The following SV2C variants were observed in gnomAD, a reference collection of about 807,000 sequenced individuals.
The protein encoded by SV2C is synaptic vesicle glycoprotein 2C, also known as solute carrier family 22 member B3.
In SV2C, 49 loss-of-function variants were observed where a neutral mutation model predicts 79.7. The observed-to-expected ratio is 0.61, with a 90% CI of 0.49 to 0.78. The LOEUF is 0.78. SV2C is among the 30% of genes least tolerant of loss of function. SV2C has a pLI of 0.00. For synonymous variants in SV2C, 334 were observed against 333.2 expected (o/e 1.00, Z -0.03); for missense variants, 833 against 912.9 (o/e 0.91, Z 1.13).
chr5:75,854,716 C>T, the SV2C span, among the ~76,000 whole-genome samples: 1 of 152,072 alleles, frequency 6.6e-6, no homozygotes, highest in Non-Finnish European at 1.5e-5. Flanking sequence ...TTTCTTCTGA[C>T]GAACTTCCAT....
chr5:75,998,823 T>C, the SV2C span, among the ~76,000 whole-genome samples: 2 of 152,152 alleles, frequency 1.3e-5, no homozygotes, highest in Non-Finnish European at 2.9e-5. Flanking sequence ...TCTTTCCTTC[T>C]ATCTCTCACT....
intron 1 of SV2C, among the ~76,000 whole-genome samples, chr5:76,103,532 C>A (rs1052084557): frequency 1.3e-5 from 2 of 152,170 alleles, no homozygotes; most frequent in Non-Finnish European, 2.9e-5. Context: ...TCTGGCCAAC[C>A]TAGATGGGTT....
At chr5:76,159,271 T>C (rs1053057121) in intron 2 of SV2C, among the ~76,000 whole-genome samples, 19 of 152,204 alleles carry the variant, frequency 1.2e-4, no homozygotes, top group African/African-American at 4.1e-4. Flanking sequence ...TACTGGAGTG[T>C]CTAGCTGGGG....
At chr5:76,102,371 A>G (rs1314811703) in intron 1 of SV2C, among the ~76,000 whole-genome samples, 1 of 152,150 alleles carries the variant, frequency 6.6e-6, no homozygotes, top group Middle Eastern at 3.2e-3. Context: ...ACTAAAGATG[A>G]TTTCCTTAGG....
Position 76,173,001 on chromosome 5 carries a change from C to T in SV2C, c.581-21918C>T, listed in dbSNP as rs1373269864. Among the ~76,000 whole-genome samples the T allele has an allele frequency of 6.3e-5, 8 of 126,668 alleles. 1 individual carries two copies. Among genetic ancestry groups the T allele is most frequent in the Non-Finnish European group, 1.7e-5 (1 of 58,174 alleles). The allele number at this position is 126,668 out of a possible 152,430, so 83.1% of individuals were successfully genotyped here. A position where few individuals can be genotyped will look rare whatever the true frequency, so the allele number is the denominator to read the frequency against. On this transcript the variant is annotated intron_variant, in intron 2 of 12. Coordinates refer to ENST00000502798, the MANE Select transcript of SV2C (RefSeq NM_014979.4). ...TTCCCTCCACTATTGTCCCATGACC[C>T]TGCCAAATCCCCCTCTGTGAGAAAC... is the stretch of plus-strand genomic sequence containing the variant.
chr5:76,245,756 A>T (rs756793184), intron 4 of SV2C, among the ~76,000 whole-genome samples: 20 of 152,122 alleles, frequency 1.3e-4, no homozygotes, highest in Non-Finnish European at 2.6e-4. Context: ...CGTGTGATTT[A>T]TGGGCATCTG....
the SV2C span, among the ~76,000 whole-genome samples, chr5:75,898,142 G>T: frequency 2.0e-5 from 3 of 152,138 alleles, no homozygotes; most frequent in Non-Finnish European, 4.4e-5. Flanking sequence ...TCCCTGTCTT[G>T]TGCCAGTTTC....
the SV2C span, among the ~76,000 whole-genome samples, chr5:75,916,781 ATCT>A: frequency 6.6e-6 from 1 of 150,828 alleles, no homozygotes; most frequent in African/African-American, 2.4e-5. Context: ...AGTCCTCATC[ATCT>A]TCTTTACCTC....
At chr5:76,243,642 C>G (rs893521786) in intron 4 of SV2C, among the ~76,000 whole-genome samples, 1 of 152,208 alleles carries the variant, frequency 6.6e-6, no homozygotes, top group Non-Finnish European at 1.5e-5. Flanking sequence ...CCTGCCTGCT[C>G]TCTTTGATTC....
chr5:76,017,491 C>T, the SV2C span, among the ~76,000 whole-genome samples: 1 of 152,058 alleles, frequency 6.6e-6, no homozygotes, highest in Non-Finnish European at 1.5e-5. Flanking sequence ...TTTCACCAGG[C>T]TGGTCTCAAA....
the SV2C span, among the ~76,000 whole-genome samples, chr5:75,975,354 T>C: frequency 6.6e-6 from 1 of 152,184 alleles, no homozygotes; most frequent in African/African-American, 2.4e-5. Flanking sequence ...AATGAAAGGA[T>C]GGACTTGTAA....
the SV2C span, among the ~76,000 whole-genome samples, chr5:76,055,692 C>T: frequency 6.6e-6 from 1 of 152,208 alleles, no homozygotes; most frequent in Middle Eastern, 3.4e-3. Context: ...GTTTGTAGTT[C>T]TCCTTGAAGA....
the SV2C span, among the ~76,000 whole-genome samples, chr5:75,998,116 T>G: frequency 6.6e-6 from 1 of 152,092 alleles, no homozygotes; most frequent in East Asian, 1.9e-4. Context: ...CCGCATGTTC[T>G]CACTCATAGG....
the SV2C span, among the ~76,000 whole-genome samples, chr5:76,049,242 C>G: frequency 1.4e-5 from 2 of 147,594 alleles, no homozygotes; most frequent in Non-Finnish European, 3.0e-5. Flanking sequence ...GAGGCTGAGG[C>G]AGGAGAATGG....
intron 2 of SV2C, among the ~76,000 whole-genome samples, chr5:76,160,176 A>G (rs1419175234): frequency 6.6e-6 from 1 of 152,156 alleles, no homozygotes; most frequent in Non-Finnish European, 1.5e-5. Flanking sequence ...AATCCCAGCT[A>G]GATTCTTTAG....
At chr5:76,113,034 G>C (rs913420463) in intron 1 of SV2C, among the ~76,000 whole-genome samples, 1 of 152,158 alleles carries the variant, frequency 6.6e-6, no homozygotes, top group African/African-American at 2.4e-5. Flanking sequence ...TTTTATTTTT[G>C]TTCGTTTTGC....
chr5:75,895,093 A>G, the SV2C span, among the ~76,000 whole-genome samples: 1 of 152,160 alleles, frequency 6.6e-6, no homozygotes, highest in Admixed American at 6.6e-5. Flanking sequence ...CATGACAACG[A>G]ATGCAGTATT....
the SV2C span, among the ~76,000 whole-genome samples, chr5:75,853,650 A>G: frequency 7.1e-6 from 1 of 140,818 alleles, no homozygotes; most frequent in East Asian, 2.1e-4. Context: ...AAATTGTTAC[A>G]TCTACTAAAG....
chr5:76,135,667 T>C (rs1749044300), intron 2 of SV2C, among the ~76,000 whole-genome samples: 1 of 152,176 alleles, frequency 6.6e-6, no homozygotes, highest in South Asian at 2.1e-4. Context: ...AGACTTCTTA[T>C]TGAATGAAGT....
Sources: allele counts gnomAD v4.1 joint callset (sites outside exome capture counted in the v4.1 genomes callset), GRCh38; gene constraint gnomAD v4.1.1; transcripts MANE v1.5; gene names NCBI Gene and HGNC (gene_info 2026-07-23, HGNC 2026-07-21).